PPP1R1C: variants seen among roughly 807,000 people sequenced by gnomAD.
The protein encoded by PPP1R1C is protein phosphatase 1 regulatory inhibitor subunit 1C, also known as protein phosphatase 1 regulatory subunit 1C.
In PPP1R1C, 15 loss-of-function variants were observed where a neutral mutation model predicts 17.4. That is an observed-to-expected ratio of 0.86 (90% CI 0.58 to 1.33). The LOEUF (loss-of-function observed/expected upper bound fraction) is 1.33. PPP1R1C is among the 40% of genes most tolerant of loss of function. The probability of loss-of-function intolerance (pLI) is 0.00; values close to 1 mark genes in which losing one functional copy is unlikely to be tolerated. For missense variants in PPP1R1C, 143 were observed against 130.0 expected (o/e 1.10, Z -0.48); for synonymous variants, 35 against 43.1 (o/e 0.81, Z 0.73).
intron 4 of PPP1R1C, among the ~76,000 whole-genome samples, chr2:182,072,699 CT>C (rs1325886373): frequency 2.0e-5 from 3 of 152,174 alleles, no homozygotes; most frequent in Admixed American, 2.0e-4. Flanking sequence ...AACCTTATAG[CT>C]TGATGGAAAA....
upstream of PPP1R1C, among the ~76,000 whole-genome samples, chr2:181,981,724 T>C (rs887585559): frequency 1.3e-4 from 20 of 152,200 alleles, no homozygotes; most frequent in Non-Finnish European, 2.6e-4. Context: ...CTCCCATGCA[T>C]CTGTTTTCTT....
At chr2:182,112,364 C>T (rs760997149) in intron 4 of PPP1R1C, among the ~76,000 whole-genome samples, 1 of 152,090 alleles carries the variant, frequency 6.6e-6, no homozygotes, top group Non-Finnish European at 1.5e-5. Flanking sequence ...ATCTTTCTGA[C>T]TCCAAATTCT....
chr2:181,964,659 G>C (rs549060864), intron 1 of PPP1R1C, among the ~76,000 whole-genome samples: 1 of 152,128 alleles, frequency 6.6e-6, no homozygotes, highest in East Asian at 1.9e-4. Flanking sequence ...AAAAAAAGCC[G>C]TTTTAACTTG....
chr2:182,088,283 A>G lies in PPP1R1C; in HGVS notation c.241+24492A>G, dbSNP rs552750015. 1.4e-4 allele frequency among the ~76,000 whole-genome samples: 22 copies of G among 152,228 alleles called. No individual in the cohort carries two copies. In the East Asian group the frequency reaches 3.7e-3, roughly 25 times the overall value. On this transcript the variant is annotated intron_variant, in intron 4 of 4. Transcript: ENST00000682840. ...CAAGCAAATCTTATAACAATTCTCC[A>G]TTTCCTACTCAGGGCCTTTACTATC...
intron 4 of PPP1R1C, among the ~76,000 whole-genome samples, chr2:182,084,239 T>A (rs1352943506): frequency 1.3e-5 from 2 of 152,308 alleles, no homozygotes; most frequent in South Asian, 4.1e-4. Context: ...CTGATAATTA[T>A]TTCTTTTTCT....
In PPP1R1C at chr2:182,100,898, A is replaced by G. The variant is rs75906399; in HGVS notation, c.242-16309A>G. 7.8e-3 allele frequency among the ~76,000 whole-genome samples: 1,194 copies of G among 152,334 alleles called. 9 individuals carry two copies. Among genetic ancestry groups the G allele is most frequent in the Middle Eastern group, 0.017 (5 of 294 alleles). ...AAGGATCGCGATTGTCCCAATGGTC[A>G]GAGGACAAGGCTGCATAAGAAGCAG... On this transcript the variant is annotated intron_variant, in intron 4 of 4. Transcript: ENST00000682840.
intron 4 of PPP1R1C, among the ~76,000 whole-genome samples, chr2:182,067,333 A>G (rs753496717): frequency 2.2e-4 from 33 of 151,748 alleles, no homozygotes; most frequent in Admixed American, 2.6e-4. Context: ...AAGGATGGCT[A>G]TGATCTTGAT....
chr2:182,121,784 G>T (rs905441033), downstream of PPP1R1C, among the ~76,000 whole-genome samples: 2 of 152,160 alleles, frequency 1.3e-5, no homozygotes, highest in Non-Finnish European at 2.9e-5. Context: ...TTACAGGCGT[G>T]AGCCCCCGTT....
intron 2 of PPP1R1C, among the ~76,000 whole-genome samples, chr2:182,025,053 T>G (rs1177756206): frequency 6.7e-6 from 1 of 150,190 alleles, no homozygotes; most frequent in Admixed American, 6.6e-5. Flanking sequence ...ATAACAAAGT[T>G]GCACATGTAC....
intron 1 of PPP1R1C, among the ~76,000 whole-genome samples, chr2:181,972,075 G>T (rs918405895): frequency 5.3e-5 from 8 of 152,170 alleles, no homozygotes; most frequent in Non-Finnish European, 8.8e-5. Context: ...AAGGACTTTT[G>T]TGTGAATAGT....
intron 2 of PPP1R1C, among the ~76,000 whole-genome samples, chr2:182,025,196 ATTAT>A (rs529485431): frequency 1.6e-4 from 23 of 145,782 alleles, no homozygotes; most frequent in African/African-American, 3.4e-4. Flanking sequence ...TATTATTATT[ATTAT>A]TTATTTATTT....
rs544706074 is a variant in PPP1R1C at position 181,968,244 on chromosome 2, T to G, written n.112-6975T>G. ...TGTAGCATAGATTAAGTCCAAAGTTTCTTTGTTGATTTTCTGTTTAGATGA... is the reference window on the plus strand; with the variant it reads ...TGTAGCATAGATTAAGTCCAAAGTTGCTTTGTTGATTTTCTGTTTAGATGA... On this transcript the variant is annotated intron_variant and non_coding_transcript_variant, in intron 1 of 5. Coordinates refer to the PPP1R1C transcript ENST00000464264. 1.2e-4 allele frequency among the ~76,000 whole-genome samples: 19 copies of G among 152,344 alleles called. 1 individual carries two copies. Among genetic ancestry groups the G allele is most frequent in the Admixed American group, 1.2e-3 (19 of 15,304 alleles).
chr2:182,020,072 G>C (rs865796553), intron 2 of PPP1R1C, among the ~76,000 whole-genome samples: 8 of 152,226 alleles, frequency 5.3e-5, no homozygotes, highest in Admixed American at 6.5e-5. Context: ...AGCCTCATTA[G>C]AGACATAATT....
chr2:182,009,582 A>G (rs930930604), intron 2 of PPP1R1C, among the ~76,000 whole-genome samples: 3 of 151,890 alleles, frequency 2.0e-5, no homozygotes, highest in African/African-American at 7.2e-5. Flanking sequence ...GGGGGTGTCT[A>G]TTCACTTTGT....
At chr2:182,072,640 C>T (rs1688173797) in intron 4 of PPP1R1C, among the ~76,000 whole-genome samples, 1 of 152,082 alleles carries the variant, frequency 6.6e-6, no homozygotes, top group African/African-American at 2.4e-5. Flanking sequence ...TCATTTTTTC[C>T]ATTTGCCCAT....
chr2:182,106,151 TG>T (rs1390328910), intron 4 of PPP1R1C, among the ~76,000 whole-genome samples: 1 of 151,932 alleles, frequency 6.6e-6, no homozygotes, highest in East Asian at 1.9e-4. Context: ...GATACAGGAG[TG>T]GGGCAGGGAA....
chr2:182,002,457 AAT>A (rs1431306327), intron 2 of PPP1R1C, among the ~76,000 whole-genome samples: 5 of 152,114 alleles, frequency 3.3e-5, no homozygotes, highest in Admixed American at 1.3e-4. Flanking sequence ...GAAACAAAAT[AAT>A]ACCAAACAAT....
rs188628724 is a variant in PPP1R1C, at chr2:182,089,993, A to G, written c.241+26202A>G. Among the ~76,000 whole-genome samples, 110 of 152,178 alleles carry G rather than the reference A, an allele frequency of 7.2e-4. 1 individual carries two copies. The highest frequency in any genetic ancestry group is 2.6e-3 in the African/African-American group (109 of 41,554). On this transcript the variant is annotated intron_variant, in intron 4 of 4. Transcript: ENST00000682840. ...TATCTTTTTATACTTACATATTCAT[A>G]AGTAATATATTTGAATTTGGTTTTC...
intron 2 of PPP1R1C, among the ~76,000 whole-genome samples, chr2:182,056,664 A>C (rs1687692850): frequency 6.6e-6 from 1 of 152,212 alleles, no homozygotes; most frequent in South Asian, 2.1e-4. Flanking sequence ...TATATGGGTC[A>C]GTGCTCTTTA....
Sources: gnomAD v4.1 joint callset for allele counts (sites outside exome capture counted in the v4.1 genomes callset) on GRCh38, gnomAD v4.1.1 for gene constraint, MANE v1.5 for transcripts, NCBI Gene and HGNC (gene_info 2026-07-23, HGNC 2026-07-21) for gene names.